Variants in DHFR2 observed in about 807,000 individuals in gnomAD.
The protein encoded by DHFR2 is dihydrofolate reductase 2.
DHFR2 carries 11 observed loss-of-function variants against 12.0 expected under a neutral mutation model. The ratio of observed to expected loss-of-function variants is 0.92; its 90% CI spans 0.58 to 1.52. The LOEUF (loss-of-function observed/expected upper bound fraction) is 1.52. DHFR2 is among the 40% of genes most tolerant of loss of function. The pLI is 0.00. For missense variants in DHFR2, 188 were observed against 221.2 expected (o/e 0.85, Z 0.95); for synonymous variants, 87 against 79.6 (o/e 1.09, Z -0.49).
rs1453099651 is a variant in DHFR2, at chr3:94,061,153, G to A, written c.359C>T (p.Ser120Phe). The A allele has an allele frequency of 6.2e-7, 1 of 1,613,050 alleles. No individual in the cohort carries two copies. The highest frequency in any genetic ancestry group is 1.3e-5 in the African/African-American group (1 of 74,200). Residue 120 changes from serine (S) to phenylalanine (F), a missense_variant, in exon 2 of 2, where the codon TCT (serine) becomes TTT (phenylalanine). Coordinates refer to ENST00000314636, the MANE Select transcript of DHFR2 (RefSeq NM_176815.5). The part of the protein sequence containing the change: ...VDMIWIVGGS[S>F]VYKEAMNHLG... ...GTGATTCATGGCTTCCTTATAAACA[G>A]AACTGCCACCAACTATCCAAATCAT...
rs1284849778 is a variant in DHFR2 at position 94,058,047 on chromosome 3, A to C, written c.*2901T>G. ...TGCCTTTCTCTAACAGAAATAAACT[A>C]TGATTCTTATTACAGTCTTAAAATT... is the stretch of plus-strand genomic sequence containing the variant. On this transcript the variant is annotated 3_prime_UTR_variant, in exon 2 of 2. Transcript: ENST00000314636. The C allele has an allele frequency of 6.6e-6, 1 of 152,202 alleles. No individual in the cohort carries two copies. Among genetic ancestry groups the C allele is most frequent in the South Asian group, 2.1e-4 (1 of 4,832 alleles). 9.4% of individuals were successfully genotyped at this position (152,202 alleles called of 1,614,324 possible).
chr3:94,061,353 C>T lies in DHFR2; in HGVS notation c.159G>A (p.Met53Ile). 6.2e-7 allele frequency: 1 copy of T among 1,614,140 alleles called. No individual in the cohort carries two copies. The highest frequency in any genetic ancestry group is 8.5e-7 in the Non-Finnish European group (1 of 1,180,010). Reference protein sequence around the residue: ...SVEGKQNLVIMGRKTWFSIPE... With the variant: ...SVEGKQNLVIIGRKTWFSIPE... ...GAATGGAGAACCAGGTCTTCCTACC[C>T]ATAATCACCAGATTCTGTTTACCCT... is the stretch of plus-strand genomic sequence containing the variant. The change falls in exon 2 of 2, where the codon ATG becomes ATA. Residue 53 changes from methionine to isoleucine, a missense_variant. Met to Ile is a conservative substitution (Grantham distance 10, BLOSUM62 1). Transcript: ENST00000314636.
rs112007826 is a variant in DHFR2, at chr3:94,060,895, C to T, written c.*53G>A. 6.4e-7 allele frequency: 1 copy of T among 1,568,316 alleles called. No homozygotes were observed. The highest frequency in any genetic ancestry group is 8.7e-7 in the Non-Finnish European group (1 of 1,156,058). Reference sequence around the variant, plus strand: ...AAGTCCCTTTTCTAATGTAAAAATGCATACTTTTCTCAGAGGGAGGGGGAA... The same window carrying T: ...AAGTCCCTTTTCTAATGTAAAAATGTATACTTTTCTCAGAGGGAGGGGGAA... On this transcript the variant is annotated 3_prime_UTR_variant, in exon 2 of 2. Transcript: ENST00000314636.
In DHFR2 at chr3:94,060,568, G is replaced by A. The variant is rs542760739; in HGVS notation, c.*380C>T. Reference sequence around the variant, plus strand: ...TGTCTACAAACCTCTGGATATACATGTACGAAGCTTTTGGTATTTCCTACT... The same window carrying A: ...TGTCTACAAACCTCTGGATATACATATACGAAGCTTTTGGTATTTCCTACT... On this transcript the variant is annotated 3_prime_UTR_variant, in exon 2 of 2. Transcript: ENST00000314636. 9.7e-6 allele frequency: 2 copies of A among 206,960 alleles called. No individual in the cohort carries two copies. The highest frequency in any genetic ancestry group is 2.4e-4 in the East Asian group (2 of 8,390). 12.8% of individuals were successfully genotyped at this position (206,960 alleles called of 1,614,324 possible).
rs1205944156 is a variant in DHFR2, at chr3:94,060,917, G to A, written c.*31C>T. 3 of 1,602,378 alleles carry A rather than the reference G, an allele frequency of 1.9e-6. No individual in the cohort carries two copies. The highest frequency in any genetic ancestry group is 1.7e-5 in the Admixed American group (1 of 59,044). On this transcript the variant is annotated 3_prime_UTR_variant, in exon 2 of 2. Transcript: ENST00000314636. The stretch of plus-strand genomic sequence containing the variant: ...ATGCATACTTTTCTCAGAGGGAGGG[G>A]GAACAACTTAAACCAGAAAACACCT...
Position 94,061,229 on chromosome 3 carries a change from C to T in DHFR2, c.283G>A (p.Asp95Asn). The stretch of plus-strand genomic sequence containing the variant: ...CGTTCAGTAAGTTTTAAGGCATCAT[C>T]CAAACTTCTGGCAAGAAAATGAGCT... Reference protein sequence around the residue: ...QGAHFLARSLDDALKLTERPE... With the variant: ...QGAHFLARSLNDALKLTERPE... Residue 95 changes from aspartate (D) to asparagine (N), a missense_variant, in exon 2 of 2, where the codon GAT becomes AAT. Transcript: ENST00000314636. 6.2e-7 allele frequency: 1 copy of T among 1,613,958 alleles called. No individual in the cohort carries two copies.
rs1338695875 is a variant in DHFR2 at position 94,059,098 on chromosome 3, C to T, written c.*1850G>A. 1 of 152,136 alleles carries T rather than the reference C, an allele frequency of 6.6e-6. No individual in the cohort carries two copies. Among genetic ancestry groups the T allele is most frequent in the African/African-American group, 2.4e-5 (1 of 41,406 alleles). 9.4% of individuals were successfully genotyped at this position (152,136 alleles called of 1,614,324 possible). A position where few individuals can be genotyped will look rare whatever the true frequency, so the allele number is the denominator to read the frequency against. On this transcript the variant is annotated 3_prime_UTR_variant, in exon 2 of 2. Coordinates refer to ENST00000314636, the MANE Select transcript of DHFR2 (RefSeq NM_176815.5). ...TTCCCAAGAAAGGGTACATGTAACCCCTGAGTCTTTGCTTGTCTAAAAATG... is the reference window on the plus strand; with the variant it reads ...TTCCCAAGAAAGGGTACATGTAACCTCTGAGTCTTTGCTTGTCTAAAAATG...
rs1034546077 is a variant in DHFR2 at position 94,059,625 on chromosome 3, A to T, written c.*1323T>A. On this transcript the variant is annotated 3_prime_UTR_variant, in exon 2 of 2. Transcript: ENST00000314636. ...CCAACTTTAAAATATATCTTAAATC[A>T]CAATTTCTTACCACATGCAATCCTT... 1.3e-5 allele frequency: 2 copies of T among 152,228 alleles called. No individual in the cohort carries two copies. Among genetic ancestry groups the T allele is most frequent in the African/African-American group, 4.8e-5 (2 of 41,440 alleles). The allele number at this position is 152,228 out of a possible 1,614,324, so 9.4% of individuals were successfully genotyped here.
At chr3:94,061,836 C>T (rs2077177203) in intron 1 of DHFR2, among the ~76,000 whole-genome samples, 1 of 151,808 alleles carries the variant, frequency 6.6e-6, no homozygotes, top group Admixed American at 6.6e-5. Flanking sequence ...TCCTGATTAT[C>T]ATAGTCTTTT....
Position 94,060,311 on chromosome 3 carries a change from TG to T in DHFR2, c.*636del. The stretch of plus-strand genomic sequence containing the variant: ...TCAGCAGTATGGAGCTCGTTACCAT[TG>T]AGAACCTCCTCACTGATTTTGAACT... On this transcript the variant is annotated 3_prime_UTR_variant, in exon 2 of 2. Transcript: ENST00000314636. 1 of 153,186 alleles carries T rather than the reference TG, an allele frequency of 6.5e-6. No individual in the cohort carries two copies. Among genetic ancestry groups the T allele is most frequent in the East Asian group, 1.9e-4 (1 of 5,190 alleles). 9.5% of individuals were successfully genotyped at this position (153,186 alleles called of 1,614,324 possible).
At position 94,061,147 on chromosome 3, in the gene DHFR2, T is replaced by A; in HGVS notation, c.365A>T (p.Tyr122Phe). 1.2e-6 allele frequency: 2 copies of A among 1,613,956 alleles called. No homozygotes were observed. Among genetic ancestry groups the A allele is most frequent in the East Asian group, 4.5e-5 (2 of 44,876 alleles). Residue 122 changes from tyrosine to phenylalanine, a missense_variant, in exon 2 of 2, where the codon TAT becomes TTT. Transcript: ENST00000314636. ...MIWIVGGSSVYKEAMNHLGHL... is the reference protein window; with the variant it reads ...MIWIVGGSSVFKEAMNHLGHL... Reference sequence around the variant, plus strand: ...GCCTAGGTGATTCATGGCTTCCTTATAAACAGAACTGCCACCAACTATCCA... The same window carrying A: ...GCCTAGGTGATTCATGGCTTCCTTAAAAACAGAACTGCCACCAACTATCCA...
chr3:94,062,287 A>T (rs1336369433), intron 1 of DHFR2, among the ~76,000 whole-genome samples: 1 of 152,198 alleles, frequency 6.6e-6, no homozygotes, highest in Non-Finnish European at 1.5e-5. Context: ...AATGATCACA[A>T]TAGTGAAAAT....
chr3:94,061,722 A>C, intron 1 of DHFR2, 116 bp from the exon 2 acceptor site: 1 of 678,908 alleles, frequency 1.5e-6, no homozygotes. Context: ...AATATTTATA[A>C]AATATAAATT....
rs751315113 is a variant in DHFR2, at chr3:94,061,335, G to A, written c.177C>T (p.Phe59=). 7.4e-6 allele frequency: 12 copies of A among 1,614,092 alleles called. No individual in the cohort carries two copies. The highest frequency in any genetic ancestry group is 1.7e-4 in the Middle Eastern group (1 of 6,060). ...AAGGTCGATTCTTCTCAGGAATGGAGAACCAGGTCTTCCTACCCATAATCA... is the reference window on the plus strand; with the variant it reads ...AAGGTCGATTCTTCTCAGGAATGGAAAACCAGGTCTTCCTACCCATAATCA... ...NLVIMGRKTW[F]SIPEKNRPLK... Residue 59 remains phenylalanine, a synonymous_variant, in exon 2 of 2, where the codon TTC becomes TTT. Coordinates refer to ENST00000314636, the MANE Select transcript of DHFR2 (RefSeq NM_176815.5).
chr3:94,058,235 G>A lies in DHFR2; in HGVS notation c.*2713C>T, dbSNP rs993377788. ...GAGGAAAGCACTTTTCATTCTCTTA[G>A]TTTTTCCTTCTGGTAGTTACCTCCA... On this transcript the variant is annotated 3_prime_UTR_variant, in exon 2 of 2. Transcript: ENST00000314636. The A allele has an allele frequency of 6.6e-6, 1 of 152,034 alleles. No homozygotes were observed. Among genetic ancestry groups the A allele is most frequent in the African/African-American group, 2.4e-5 (1 of 41,398 alleles). The allele number at this position is 152,034 out of a possible 1,614,324, so 9.4% of individuals were successfully genotyped here.
rs2077168224 is a variant in DHFR2 at position 94,060,726 on chromosome 3, A to T, written c.*222T>A. The T allele has an allele frequency of 1.7e-6, 1 of 571,858 alleles. No homozygotes were observed. The highest frequency in any genetic ancestry group is 3.2e-5 in the Admixed American group (1 of 30,944). 35.4% of individuals were successfully genotyped at this position (571,858 alleles called of 1,614,324 possible). On this transcript the variant is annotated 3_prime_UTR_variant, in exon 2 of 2. Coordinates refer to ENST00000314636, the MANE Select transcript of DHFR2 (RefSeq NM_176815.5). Reference sequence around the variant, plus strand: ...TGGGTGTGGAATGGCAGCTCACTGTAGCAGGTGCTGGGGACTCAGTCGGGG... The same window carrying T: ...TGGGTGTGGAATGGCAGCTCACTGTTGCAGGTGCTGGGGACTCAGTCGGGG...
rs1413002372 is a variant in DHFR2 at position 94,061,278 on chromosome 3, T to TCTG, written c.231_233dup (p.Ser77dup). 4 of 1,614,006 alleles carry TCTG rather than the reference T, an allele frequency of 2.5e-6. No homozygotes were observed. The highest frequency in any genetic ancestry group is 3.4e-6 in the Non-Finnish European group (4 of 1,179,862). On this transcript the variant is annotated inframe_insertion, in exon 2 of 2. Transcript: ENST00000314636. Reference sequence around the variant, plus strand: ...CTCCTTGTGGAGGTTCCTTGAGTTCTCTGCTGAGAACTAAATTAATTCTAT... The same window carrying TCTG: ...CTCCTTGTGGAGGTTCCTTGAGTTCTCTGCTGCTGAGAACTAAATTAATTCTAT...
In DHFR2 at chr3:94,061,553, G is replaced by A; in HGVS notation, c.-42C>T. 1 of 1,608,928 alleles carries A rather than the reference G, an allele frequency of 6.2e-7. No homozygotes were observed. The highest frequency in any genetic ancestry group is 1.1e-5 in the South Asian group (1 of 90,472). On this transcript the variant is annotated 5_prime_UTR_variant, in exon 2 of 2. Coordinates refer to ENST00000314636, the MANE Select transcript of DHFR2 (RefSeq NM_176815.5). Reference sequence around the variant, plus strand: ...ACCTCCGAACTTGCTGGCTACGCCAGGAAGCCAGGCCAAGAATGCCGCGAA... The same window carrying A: ...ACCTCCGAACTTGCTGGCTACGCCAAGAAGCCAGGCCAAGAATGCCGCGAA...
rs1325745397 is a variant in DHFR2, at chr3:94,060,841, A to G, written c.*107T>C. 8.0e-7 allele frequency: 1 copy of G among 1,256,612 alleles called. No homozygotes were observed. The highest frequency in any genetic ancestry group is 2.5e-5 in the Admixed American group (1 of 39,974). The allele number at this position is 1,256,612 out of a possible 1,614,324, so 77.8% of individuals were successfully genotyped here. A position where few individuals can be genotyped will look rare whatever the true frequency, so the allele number is the denominator to read the frequency against. On this transcript the variant is annotated 3_prime_UTR_variant, in exon 2 of 2. Transcript: ENST00000314636. ...AGGAATAAAAACACGTTGCTTAGAA[A>G]TAATTATCCATAGATCTGAAGTCAA...
Sources: allele counts gnomAD v4.1 joint callset (sites outside exome capture counted in the v4.1 genomes callset), GRCh38; gene constraint gnomAD v4.1.1; transcripts MANE v1.5; gene names NCBI Gene and HGNC (gene_info 2026-07-23, HGNC 2026-07-21).